AHCY: variants seen among roughly 807,000 people sequenced by gnomAD.
AHCY encodes the protein adenosylhomocysteinase, also known as S-adenosyl-L-homocysteine hydrolase.
A neutral mutation model predicts 45.4 loss-of-function variants in AHCY; 24 were observed. That is an observed-to-expected ratio of 0.53 (90% CI 0.38 to 0.74). The LOEUF is 0.74. Among genes scored for constraint, AHCY ranks in the 30% least tolerant of loss-of-function variants. AHCY has a pLI of 0.00. For synonymous variants in AHCY, 245 were observed against 235.1 expected (o/e 1.04, Z -0.39); for missense variants, 449 against 594.1 (o/e 0.76, Z 2.54).
chr20:34,242,880 G>A, the AHCY span, among the ~76,000 whole-genome samples: 1 of 152,206 alleles, frequency 6.6e-6, no homozygotes, highest in Admixed American at 6.5e-5. Context: ...AAGGAATTCA[G>A]AAATCAAAAG....
At chr20:34,281,994 G>A (rs948207386) in intron 9 of AHCY, among the ~76,000 whole-genome samples, 2 of 152,194 alleles carry the variant, frequency 1.3e-5, no homozygotes, top group South Asian at 2.1e-4. Context: ...TGGCAGATTC[G>A]AGAATAAAGT....
At chr20:34,296,682 G>A (rs922468548) in intron 1 of AHCY, among the ~76,000 whole-genome samples, 3 of 152,114 alleles carry the variant, frequency 2.0e-5, no homozygotes, top group African/African-American at 7.2e-5. Flanking sequence ...GGTAAGGGAT[G>A]TTCCTCTGGC....
upstream of AHCY, among the ~76,000 whole-genome samples, chr20:34,307,673 C>T (rs1290450249): frequency 6.6e-6 from 1 of 152,150 alleles, no homozygotes; most frequent in Non-Finnish European, 1.5e-5. Flanking sequence ...TGCCCAGCCC[C>T]CTGTGTTTTC....
the AHCY span, among the ~76,000 whole-genome samples, chr20:34,273,176 G>C: frequency 3.3e-5 from 5 of 150,654 alleles, no homozygotes; most frequent in African/African-American, 1.2e-4. Context: ...GGATGGGGCT[G>C]AAAGTCCCAA....
In AHCY at chr20:34,290,274, C is replaced by T. The variant is rs2036329278; in HGVS notation, c.972+58G>A. 1.3e-6 allele frequency: 2 copies of T among 1,535,090 alleles called. No homozygotes were observed. Among genetic ancestry groups the T allele is most frequent in the Non-Finnish European group, 1.8e-6 (2 of 1,112,330 alleles). ...TCTCCTCAGCTCTCCTCCCTGGCAG[C>T]CAGCACTCCTCTGCACTCCCATCTG... On this transcript the variant is annotated intron_variant, in intron 8 of 9. Coordinates refer to ENST00000217426, the MANE Select transcript of AHCY (RefSeq NM_000687.4). This position sits in a 1 kb window ranked among gnomAD's most constrained non-coding sequence, Gnocchi z 4.5.
chr20:34,289,987 C>A (rs2036318837), intron 8 of AHCY, among the ~76,000 whole-genome samples: 1 of 152,220 alleles, frequency 6.6e-6, no homozygotes, highest in Admixed American at 6.5e-5. Flanking sequence ...CCCCAGCACT[C>A]CCTAAGCTGA....
At chr20:34,245,840 GAATA>G in the AHCY span, 1 of 765,200 alleles carries the variant, frequency 1.3e-6, no homozygotes, top group Admixed American at 5.5e-5. Context: ...TTTTACTGTA[GAATA>G]TATATATATT....
intron 8 of AHCY, among the ~76,000 whole-genome samples, chr20:34,289,441 G>A (rs1479475044): frequency 6.6e-6 from 1 of 150,818 alleles, no homozygotes. Context: ...CCAAAGTGCT[G>A]GGATTACAGG....
At position 34,303,253 on chromosome 20, in the gene AHCY, G is replaced by C; in HGVS notation, c.18C>G (p.Pro6=). The C allele has an allele frequency of 6.4e-7, 1 of 1,551,754 alleles. No homozygotes were observed. The highest frequency in any genetic ancestry group is 8.7e-7 in the Non-Finnish European group (1 of 1,146,994). The change falls in exon 1 of 10, where the codon CCC becomes CCG. Residue 6 remains proline, a synonymous_variant. Transcript: ENST00000217426. MSDKL[P]YKVADIGLAA... ...GGTCCTGGGACTCACCGACTTTGTA[G>C]GGCAGTTTGTCAGACATGCTGGCGG...
chr20:34,285,381 T>G, intron 9 of AHCY, 59 bp downstream of exon 9: 1 of 1,593,898 alleles, frequency 6.3e-7, no homozygotes, highest in Non-Finnish European at 8.6e-7. Context: ...GCAAGCCCTG[T>G]GTGGGGATCC....
At chr20:34,305,293 C>T (rs373713914), upstream of AHCY, among the ~76,000 whole-genome samples, 5 of 152,062 alleles carry the variant, frequency 3.3e-5, no homozygotes, top group East Asian at 7.8e-4. Context: ...CACTGCACTC[C>T]GGCCTGGGCG....
chr20:34,260,440 C>A, the AHCY span: 2 of 1,614,164 alleles, frequency 1.2e-6, no homozygotes, highest in South Asian at 1.1e-5. Flanking sequence ...CTGCCAACAG[C>A]CACCTGCCAC....
chr20:34,301,396 G>A (rs900120756), intron 1 of AHCY, among the ~76,000 whole-genome samples: 7 of 152,150 alleles, frequency 4.6e-5, no homozygotes, highest in African/African-American at 1.7e-4. Flanking sequence ...AAAGGCACAG[G>A]AGAGGCTAGA....
chr20:34,234,184 C>T, the AHCY span, among the ~76,000 whole-genome samples: 1 of 152,300 alleles, frequency 6.6e-6, no homozygotes, highest in Non-Finnish European at 1.5e-5. Flanking sequence ...GAGCCCTTAC[C>T]ATGCACACCA....
At chr20:34,279,356 G>C (rs2035943452), downstream of AHCY, among the ~76,000 whole-genome samples, 1 of 151,628 alleles carries the variant, frequency 6.6e-6, no homozygotes, top group Admixed American at 6.6e-5. Context: ...GGGAGGTGGA[G>C]CTTGCAGTGA....
chr20:34,283,639 CT>C (rs2036076218), intron 9 of AHCY, among the ~76,000 whole-genome samples: 1 of 152,200 alleles, frequency 6.6e-6, no homozygotes. Context: ...TCTCACCAAA[CT>C]CATAGCCATA....
chr20:34,269,169 C>A, the AHCY span: 1 of 1,516,784 alleles, frequency 6.6e-7, no homozygotes, highest in Non-Finnish European at 8.8e-7. Flanking sequence ...AACTGCTGAG[C>A]GCCCCCACTC....
At position 34,285,612 on chromosome 20, in the gene AHCY, T is replaced by A. The variant is rs2036152068; in HGVS notation, c.995A>T (p.Asn332Ile). 1 of 1,613,580 alleles carries A rather than the reference T, an allele frequency of 6.2e-7. No homozygotes were observed. Among genetic ancestry groups the A allele is most frequent in the Non-Finnish European group, 8.5e-7 (1 of 1,179,980 alleles). ...KPQVDRYRLK[N>I]GRRIILLAEG... ...GGCCAGCAGGATGATGCGGCGCCCA[T>A]TCTTCAACCGATACCGGTCCACCTA... is the stretch of plus-strand genomic sequence containing the variant. The change falls in exon 9 of 10, where the codon AAT becomes ATT. Residue 332 changes from asparagine to isoleucine, a missense_variant. Asn to Ile is a moderately radical substitution (Grantham distance 149, BLOSUM62 -3). Transcript: ENST00000217426.
the AHCY span, among the ~76,000 whole-genome samples, chr20:34,258,873 C>CTA: frequency 3.2e-4 from 32 of 99,698 alleles, no homozygotes; most frequent in South Asian, 7.3e-3. Flanking sequence ...ATATATAATA[C>CTA]TATATATATA....
Sources: allele counts gnomAD v4.1 joint callset (sites outside exome capture counted in the v4.1 genomes callset), GRCh38; gene constraint gnomAD v4.1.1; non-coding constraint Gnocchi (gnomAD v3.1); transcripts MANE v1.5; gene names NCBI Gene and HGNC (gene_info 2026-07-23, HGNC 2026-07-21).